Variants in PCM1 observed in about 807,000 individuals in gnomAD.
The protein encoded by PCM1 is pericentriolar material 1 protein.
Under a neutral mutation model 241.9 loss-of-function variants are expected in PCM1, and 157 were observed. That is an observed-to-expected ratio of 0.65 (90% CI 0.57 to 0.74). The LOEUF is 0.74. Among genes scored for constraint, PCM1 ranks in the 30% least tolerant of loss-of-function variants. The pLI, the probability that PCM1 is intolerant of heterozygous loss-of-function variation, is 0.00. For missense variants in PCM1, 3,478 were observed against 2,360.1 expected, an observed-to-expected ratio of 1.47 and a Z score of -9.81; for synonymous variants, 1,085 against 784.9, an observed-to-expected ratio of 1.38 and a Z score of -6.39.
In PCM1 at chr8:17,947,362, T is replaced by C; in HGVS notation, c.960T>C (p.Ser320=). The change falls in exon 7 of 39, where the codon TCT becomes TCC. Residue 320 remains serine (S), a splice_region_variant and synonymous_variant. Coordinates refer to ENST00000325083, the MANE Select transcript of PCM1 (RefSeq NM_006197.4). ...AEQAIAVMDD[S]VVAETAGSLS... is the part of the protein sequence containing the mutation. ...AAGCTATTGCAGTGATGGATGATTC[T>C]GGTATGTCACAGTCTGAGAATATTC... 6.3e-7 allele frequency: 1 copy of C among 1,584,180 alleles called. No individual in the cohort carries two copies.
Position 17,972,235 on chromosome 8 carries a change from C to A in PCM1, c.3585-94C>A, listed in dbSNP as rs184169193. The A allele has an allele frequency of 4.2e-3, 2,353 of 557,564 alleles. 7 individuals are homozygous for A. The highest frequency in any genetic ancestry group is 8.5e-3 in the Admixed American group (185 of 21,724). The allele number at this position is 557,564 out of a possible 1,614,324, so 34.5% of individuals were successfully genotyped here. A position where few individuals can be genotyped will look rare whatever the true frequency, so the allele number is the denominator to read the frequency against. On this transcript the variant is annotated intron_variant, in intron 22 of 38. Coordinates refer to ENST00000325083, the MANE Select transcript of PCM1 (RefSeq NM_006197.4). The stretch of plus-strand genomic sequence containing the variant: ...TATAGCCTGTTGACAATTTTATTCA[C>A]CTAAATCTACTCGAGTAGACTATAA...
At chr8:17,965,055 A>T (rs1351531000) in intron 18 of PCM1, among the ~76,000 whole-genome samples, 2 of 152,148 alleles carry the variant, frequency 1.3e-5, no homozygotes, top group African/African-American at 4.8e-5. Context: ...CTTCAGGTTT[A>T]TTTGCTAGAA....
rs2055398701 is a variant in PCM1, at chr8:17,923,472, G to T, written c.-91+284G>T. 2.6e-5 allele frequency among the ~76,000 whole-genome samples: 4 copies of T among 152,198 alleles called. No individual in the cohort carries two copies. In the South Asian group the frequency reaches 8.3e-4, roughly 32 times the overall value. ...CTCGCCCCTCCTGCTGGCCCTGTCG[G>T]GGAGGCTGTTCTGCGTCCCGGTGGC... On this transcript the variant is annotated intron_variant, in intron 1 of 38. Coordinates refer to ENST00000325083, the MANE Select transcript of PCM1 (RefSeq NM_006197.4).
At chr8:17,989,479 T>G (rs942126392) in intron 26 of PCM1, among the ~76,000 whole-genome samples, 1 of 152,074 alleles carries the variant, frequency 6.6e-6, no homozygotes, top group South Asian at 2.1e-4. Flanking sequence ...TGTTTTCTTT[T>G]CTGATGTGAG....
intron 6 of PCM1, among the ~76,000 whole-genome samples, chr8:17,946,935 C>T (rs1247964254): frequency 6.7e-6 from 1 of 149,292 alleles, no homozygotes; most frequent in East Asian, 2.0e-4. Context: ...TCCTTTTGTT[C>T]ATTCCTCTTC....
chr8:17,987,081 T>G (rs1234365078), intron 26 of PCM1, among the ~76,000 whole-genome samples: 1 of 151,886 alleles, frequency 6.6e-6, no homozygotes, highest in Non-Finnish European at 1.5e-5. Flanking sequence ...GTTTTCCCAC[T>G]GGACTCTGAC....
chr8:18,014,727 G>A lies in PCM1; in HGVS notation c.5728G>A (p.Glu1910Lys). 6.2e-7 allele frequency: 1 copy of A among 1,613,658 alleles called. No individual in the cohort carries two copies. The highest frequency in any genetic ancestry group is 8.5e-7 in the Non-Finnish European group (1 of 1,179,850). Residue 1910 changes from glutamate (E) to lysine (K), a missense_variant, in exon 36 of 39, where the codon GAA (glutamate) becomes AAA (lysine). Glu to Lys is a moderately conservative substitution (Grantham distance 56). Coordinates refer to ENST00000325083, the MANE Select transcript of PCM1 (RefSeq NM_006197.4). ...QPNPLPLRLPEMEPLVPRVKE... is the reference protein window; with the variant it reads ...QPNPLPLRLPKMEPLVPRVKE... Reference sequence around the variant, plus strand: ...TAACCCTTTGCCGTTACGTTTACCTGAAATGGAACCCTTAGTGCCTAGAGT... The same window carrying A: ...TAACCCTTTGCCGTTACGTTTACCTAAAATGGAACCCTTAGTGCCTAGAGT...
At chr8:17,986,182 T>C (rs917570885) in intron 26 of PCM1, 95 bp downstream of exon 26, 1 of 856,154 alleles carries the variant, frequency 1.2e-6, no homozygotes, top group Non-Finnish European at 1.7e-6. Context: ...GTAGACCTAA[T>C]ATATTTGATT....
chr8:17,923,503 C>G (rs11996792), intron 1 of PCM1, among the ~76,000 whole-genome samples: 103,817 of 152,108 alleles, frequency 0.68, 36,224 homozygotes, highest in Non-Finnish European at 0.77. Context: ...GTGGCTCCGG[C>G]TATACCCCTT....
intron 8 of PCM1, among the ~76,000 whole-genome samples, chr8:17,951,222 T>G (rs750793208): frequency 6.6e-6 from 1 of 152,214 alleles, no homozygotes; most frequent in Non-Finnish European, 1.5e-5. Context: ...GTAAGTGATA[T>G]AAATGCAGAT....
intron 29 of PCM1, among the ~76,000 whole-genome samples, chr8:18,002,902 G>A (rs886374833): frequency 5.8e-5 from 7 of 120,888 alleles, no homozygotes; most frequent in Admixed American, 1.4e-4. Context: ...CATGTCCTTC[G>A]CCCACTTTTT....
chr8:17,978,576 A>T (rs998132844), intron 23 of PCM1, among the ~76,000 whole-genome samples: 2 of 152,130 alleles, frequency 1.3e-5, no homozygotes, highest in African/African-American at 4.8e-5. Context: ...GACGCTACAC[A>T]GTTGACAAAG....
intron 29 of PCM1, among the ~76,000 whole-genome samples, chr8:18,004,676 G>A (rs992187858): frequency 1.3e-5 from 2 of 152,024 alleles, no homozygotes; most frequent in Non-Finnish European, 2.9e-5. Context: ...TTATGCCCAG[G>A]CAGCATTACA....
intron 36 of PCM1, among the ~76,000 whole-genome samples, chr8:18,019,803 G>A (rs1237104865): frequency 2.0e-5 from 3 of 152,166 alleles, no homozygotes; most frequent in Non-Finnish European, 2.9e-5. Flanking sequence ...TTCTTAACAG[G>A]CCCTGGACTG....
intron 36 of PCM1, among the ~76,000 whole-genome samples, chr8:18,020,990 G>C (rs1258618452): frequency 6.6e-6 from 1 of 152,140 alleles, no homozygotes; most frequent in Non-Finnish European, 1.5e-5. Flanking sequence ...GAGTATCAAG[G>C]AAATGCATGT....
chr8:18,011,762 G>T lies in PCM1; in HGVS notation c.5446G>T (p.Val1816Leu). ...EEMEEFEEGP[V>L]DVQTSLQANT... ...AATGGAAGAATTTGAAGAAGGCCCT[G>T]TGGATGTCCAGACTTCCCTCCAGGC... The change falls in exon 34 of 39, where the codon GTG becomes TTG. Residue 1816 changes from valine to leucine, a missense_variant. Transcript: ENST00000325083. 4 of 1,613,810 alleles carry T rather than the reference G, an allele frequency of 2.5e-6. No homozygotes were observed. The highest frequency in any genetic ancestry group is 3.4e-6 in the Non-Finnish European group (4 of 1,179,788).
At position 17,952,948 on chromosome 8, in the gene PCM1, TTTG is replaced by T. The variant is rs1430029310; in HGVS notation, c.1072-16_1072-14del. On this transcript the variant is annotated intron_variant, in intron 8 of 38. Coordinates refer to ENST00000325083, the MANE Select transcript of PCM1 (RefSeq NM_006197.4). Reference sequence around the variant, plus strand: ...ATTGCGTTAGTCTTAATTCTTCTTTTTTGTTGTTTTTTTTTAATAAGCCTCCAG... The same window carrying T: ...ATTGCGTTAGTCTTAATTCTTCTTTTTTGTTTTTTTTTAATAAGCCTCCAG... 2 of 1,442,260 alleles carry T rather than the reference TTTG, an allele frequency of 1.4e-6. No homozygotes were observed. Among genetic ancestry groups the T allele is most frequent in the East Asian group, 2.4e-5 (1 of 42,516 alleles). 89.3% of individuals were successfully genotyped at this position (1,442,260 alleles called of 1,614,324 possible).
At chr8:17,980,493 TA>T in intron 23 of PCM1, 97 bp from the exon 24 acceptor site, 1 of 914,914 alleles carries the variant, frequency 1.1e-6, no homozygotes, top group Non-Finnish European at 1.6e-6. Flanking sequence ...CCTAGCATTG[TA>T]AATTGAGTTA....
intron 26 of PCM1, 180 bp downstream of exon 26, chr8:17,986,267 T>C (rs1325827714): frequency 6.9e-6 from 3 of 432,312 alleles, no homozygotes; most frequent in Non-Finnish European, 1.2e-5. Context: ...AATCAAAATA[T>C]GGTAGCAAAC....
Sources: gnomAD v4.1 joint callset for allele counts (sites outside exome capture counted in the v4.1 genomes callset) on GRCh38, gnomAD v4.1.1 for gene constraint, MANE v1.5 for transcripts, NCBI Gene and HGNC (gene_info 2026-07-23, HGNC 2026-07-21) for gene names.